The following SLCO3A1 variants were observed in gnomAD, a reference collection of about 807,000 sequenced individuals.
SLCO3A1 encodes PGE1 transporter.
SLCO3A1 carries 27 observed loss-of-function variants against 63.1 expected under a neutral mutation model. That is an observed-to-expected ratio of 0.43 (90% CI 0.32 to 0.59). The LOEUF is 0.59. SLCO3A1 is among the 20% of genes least tolerant of loss of function. The pLI, the probability that SLCO3A1 is intolerant of heterozygous loss-of-function variation, is 0.09. For synonymous variants in SLCO3A1, 473 were observed against 409.9 expected (o/e 1.15, Z -1.86); for missense variants, 773 against 945.8 (o/e 0.82, Z 2.40).
intron 2 of SLCO3A1, among the ~76,000 whole-genome samples, chr15:92,064,003 G>A (rs957241185): frequency 6.6e-6 from 1 of 152,220 alleles, no homozygotes; most frequent in Non-Finnish European, 1.5e-5. Flanking sequence ...GATGAACACA[G>A]TTTAGGGATG....
In SLCO3A1 at chr15:92,164,107, C is replaced by T; in HGVS notation, c.*972C>T. On this transcript the variant is annotated 3_prime_UTR_variant, in exon 10 of 10. Transcript: ENST00000318445. ...AATCCTCTAATACTATTTTTAACTACTTCTAAAATCTGTGTTAACCCTTCA... is the reference window on the plus strand; with the variant it reads ...AATCCTCTAATACTATTTTTAACTATTTCTAAAATCTGTGTTAACCCTTCA... 1.0e-6 allele frequency: 1 copy of T among 978,382 alleles called. No homozygotes were observed. The highest frequency in any genetic ancestry group is 1.7e-5 in the African/African-American group (1 of 57,182). 60.6% of individuals were successfully genotyped at this position (978,382 alleles called of 1,614,324 possible).
intron 2 of SLCO3A1, among the ~76,000 whole-genome samples, chr15:91,970,337 G>A (rs977644188): frequency 6.6e-6 from 1 of 152,184 alleles, no homozygotes; most frequent in Non-Finnish European, 1.5e-5. Context: ...ATCCGCAGCT[G>A]GTGTGCTGGC....
chr15:92,128,587 T>C, intron 7 of SLCO3A1, 98 bp downstream of exon 7: 1 of 1,087,390 alleles, frequency 9.2e-7, no homozygotes, highest in Non-Finnish European at 1.3e-6. Context: ...CCCTGTGACT[T>C]TTTCTTAGCT....
intron 2 of SLCO3A1, among the ~76,000 whole-genome samples, chr15:91,963,422 G>GCA (rs1326089373): frequency 7.9e-6 from 1 of 127,158 alleles, no homozygotes; most frequent in African/African-American, 2.9e-5. Context: ...GGGGGGGGGC[G>GCA]GCAGCAGCCT....
At position 92,164,417 on chromosome 15, in the gene SLCO3A1, T is replaced by C. The variant is rs2048475838; in HGVS notation, c.*1282T>C. ...TGTGATGAATTGCAAATTTGCCTTT[T>C]AGCTTCCTTCCCCATGATTCAGTGA... On this transcript the variant is annotated 3_prime_UTR_variant, in exon 10 of 10. Coordinates refer to ENST00000318445, the MANE Select transcript of SLCO3A1 (RefSeq NM_013272.4). The C allele has an allele frequency of 1.0e-6, 1 of 985,344 alleles. No homozygotes were observed. Among genetic ancestry groups the C allele is most frequent in the Admixed American group, 6.1e-5 (1 of 16,270 alleles). 61.0% of individuals were successfully genotyped at this position (985,344 alleles called of 1,614,324 possible).
intron 7 of SLCO3A1, among the ~76,000 whole-genome samples, chr15:92,136,051 G>C (rs752960864): frequency 2.6e-5 from 4 of 152,152 alleles, no homozygotes; most frequent in Non-Finnish European, 5.9e-5. Flanking sequence ...GAGCCCAGGA[G>C]TTTGAGACTG....
chr15:92,111,975 T>C (rs538343148), intron 4 of SLCO3A1, among the ~76,000 whole-genome samples: 1 of 152,350 alleles, frequency 6.6e-6, no homozygotes, highest in South Asian at 2.1e-4. Context: ...TCAGAACTGT[T>C]TCAGTCACAT....
At chr15:91,992,763 T>C (rs1351465106) in intron 2 of SLCO3A1, among the ~76,000 whole-genome samples, 1 of 152,214 alleles carries the variant, frequency 6.6e-6, no homozygotes, top group Non-Finnish European at 1.5e-5. Flanking sequence ...GGAAGATACA[T>C]ACCATTAGTG....
At chr15:91,999,478 A>T (rs1422882457) in intron 2 of SLCO3A1, among the ~76,000 whole-genome samples, 1 of 152,212 alleles carries the variant, frequency 6.6e-6, no homozygotes, top group Non-Finnish European at 1.5e-5. Context: ...CTGAATGGGT[A>T]ATGAGCATAA....
At chr15:91,977,614 A>T (rs1901168905) in intron 2 of SLCO3A1, among the ~76,000 whole-genome samples, 1 of 152,118 alleles carries the variant, frequency 6.6e-6, no homozygotes. Context: ...GAGTGTGGGG[A>T]CATTGGGAGG....
In SLCO3A1 at chr15:91,916,806, G is replaced by A. The variant is rs1476964099; in HGVS notation, c.646+348G>A. Among the ~76,000 whole-genome samples the A allele has an allele frequency of 6.6e-6, 1 of 152,080 alleles. No individual in the cohort carries two copies. Among genetic ancestry groups the A allele is most frequent in the African/African-American group, 2.4e-5 (1 of 41,392 alleles). On this transcript the variant is annotated intron_variant, in intron 2 of 9. Transcript: ENST00000318445. The surrounding 1 kb of genome is among the most constrained non-coding windows in gnomAD (Gnocchi z 6.2). ...GATATTAGCCACCAAGGTATACTTG[G>A]GGTCTACACATTGGAAACTCCAGCT...
chr15:91,909,074 C>T (rs1898402727), intron 1 of SLCO3A1, among the ~76,000 whole-genome samples: 1 of 152,028 alleles, frequency 6.6e-6, no homozygotes, highest in South Asian at 2.1e-4. Context: ...CAAAACAAAA[C>T]AAAACAAACA....
chr15:92,093,762 T>C (rs2047505659), intron 2 of SLCO3A1, among the ~76,000 whole-genome samples: 1 of 152,060 alleles, frequency 6.6e-6, no homozygotes, highest in African/African-American at 2.4e-5. Flanking sequence ...GAATATGTGA[T>C]TGGTTCCACA....
chr15:91,878,085 CTTTT>C (rs757889262), intron 1 of SLCO3A1, among the ~76,000 whole-genome samples: 2 of 119,844 alleles, frequency 1.7e-5, no homozygotes, highest in African/African-American at 3.5e-5. Context: ...GGATTTAGGC[CTTTT>C]TTTTTTTTTT....
chr15:91,997,360 CACAA>C (rs1247330595), intron 2 of SLCO3A1, among the ~76,000 whole-genome samples: 1 of 152,174 alleles, frequency 6.6e-6, no homozygotes, highest in African/African-American at 2.4e-5. Flanking sequence ...TCATAGATGA[CACAA>C]ACAAATGGAA....
At chr15:92,079,778 G>C (rs934777611) in intron 2 of SLCO3A1, among the ~76,000 whole-genome samples, 2 of 152,272 alleles carry the variant, frequency 1.3e-5, no homozygotes, top group African/African-American at 4.8e-5. Flanking sequence ...GCCTCCTGCT[G>C]TTGCTAAGTT....
chr15:92,168,821 G>A (rs1185316125), downstream of SLCO3A1, among the ~76,000 whole-genome samples: 6 of 152,258 alleles, frequency 3.9e-5, no homozygotes, highest in East Asian at 7.7e-4. Flanking sequence ...GTGACGTGGC[G>A]GATTTGAACT....
At chr15:91,895,758 A>G (rs1223045636) in intron 1 of SLCO3A1, among the ~76,000 whole-genome samples, 2 of 152,230 alleles carry the variant, frequency 1.3e-5, no homozygotes, top group African/African-American at 2.4e-5. Flanking sequence ...GCTTTCTTCT[A>G]TCTAATCTTT....
Position 91,945,126 on chromosome 15 carries a change from C to T in SLCO3A1, c.646+28668C>T, listed in dbSNP as rs909938188. On this transcript the variant is annotated intron_variant, in intron 2 of 9. Transcript: ENST00000318445. ...TTTGGGAGGCCGAGGCAGGCGATCACGAGGTCAGGAGTTCGAGACACCCTG... is the reference window on the plus strand; with the variant it reads ...TTTGGGAGGCCGAGGCAGGCGATCATGAGGTCAGGAGTTCGAGACACCCTG... 2.6e-5 allele frequency among the ~76,000 whole-genome samples: 4 copies of T among 151,978 alleles called. No homozygotes were observed. In the South Asian group the frequency reaches 6.2e-4, roughly 24 times the overall value.
Sources: gnomAD v4.1 joint callset for allele counts (sites outside exome capture counted in the v4.1 genomes callset) on GRCh38, gnomAD v4.1.1 for gene constraint, Gnocchi (gnomAD v3.1) non-coding constraint, MANE v1.5 for transcripts, NCBI Gene and HGNC (gene_info 2026-07-23, HGNC 2026-07-21) for gene names.